The following LARP1B variants were observed in gnomAD, a reference collection of about 807,000 sequenced individuals.
LARP1B encodes la-related protein 1B.
LARP1B carries 76 observed loss-of-function variants against 114.2 expected under a neutral mutation model. That is an observed-to-expected ratio of 0.67 (90% CI 0.55 to 0.81). The LOEUF (loss-of-function observed/expected upper bound fraction) is 0.81. LARP1B is among the 30% of genes least tolerant of loss of function. The pLI is 0.00. For missense variants in LARP1B, 1,014 were observed against 1,075.8 expected (o/e 0.94, Z 0.80); for synonymous variants, 345 against 348.0 (o/e 0.99, Z 0.10).
In LARP1B at chr4:128,187,239, C is replaced by T. The variant is rs546696679; in HGVS notation, c.2003+7727C>T. 3.9e-5 allele frequency among the ~76,000 whole-genome samples: 6 copies of T among 152,332 alleles called. No individual in the cohort carries two copies. In the East Asian group the frequency reaches 1.2e-3, roughly 29 times the overall value. ...ATCCACTAGCAGCCTGCATCCTCAG[C>T]CTCGAAAAGCCACAGGCACTCAGTG... On this transcript the variant is annotated intron_variant, in intron 15 of 19. Coordinates refer to ENST00000326639, the MANE Select transcript of LARP1B (RefSeq NM_018078.4).
At chr4:128,064,968 G>A (rs1406900654) in intron 1 of LARP1B, among the ~76,000 whole-genome samples, 1 of 152,078 alleles carries the variant, frequency 6.6e-6, no homozygotes, top group African/African-American at 2.4e-5. Flanking sequence ...GTCAAGGTAA[G>A]CCTTGGGAAC....
At chr4:128,153,903 GC>G (rs1734127723) in intron 11 of LARP1B, among the ~76,000 whole-genome samples, 1 of 152,098 alleles carries the variant, frequency 6.6e-6, no homozygotes, top group Non-Finnish European at 1.5e-5. Context: ...TTGCTTGGAT[GC>G]CTTAGGAATC....
chr4:128,141,133 C>A (rs534238602), intron 11 of LARP1B, among the ~76,000 whole-genome samples: 1 of 151,976 alleles, frequency 6.6e-6, no homozygotes, highest in African/African-American at 2.4e-5. Flanking sequence ...TGCTTTTTTG[C>A]GTCCAGCTAT....
intron 7 of LARP1B, among the ~76,000 whole-genome samples, chr4:128,094,341 C>A (rs1259656760): frequency 1.3e-5 from 2 of 151,418 alleles, no homozygotes; most frequent in African/African-American, 4.8e-5. Context: ...ACTCAGATGA[C>A]AGCACTCTGA....
At chr4:128,176,350 A>G (rs1164782946) in intron 12 of LARP1B, among the ~76,000 whole-genome samples, 3 of 149,328 alleles carry the variant, frequency 2.0e-5, no homozygotes, top group Non-Finnish European at 3.0e-5. Flanking sequence ...CTGGAGTGCA[A>G]TGGCATGATC....
At chr4:128,062,275 G>T (rs1276233488) in intron 1 of LARP1B, 1 of 985,454 alleles carries the variant, frequency 1.0e-6, no homozygotes, top group African/African-American at 1.7e-5. Context: ...GCGACTTGCG[G>T]GACTTGCCGG....
intron 5 of LARP1B, 146 bp downstream of exon 5, chr4:128,082,451 A>G (rs1561105335): frequency 1.5e-6 from 1 of 648,760 alleles, no homozygotes; most frequent in South Asian, 2.0e-5. Flanking sequence ...GGTATATTTC[A>G]TAAGAACAAT....
At chr4:128,126,836 C>T (rs558023116) in intron 11 of LARP1B, among the ~76,000 whole-genome samples, 2 of 146,472 alleles carry the variant, frequency 1.4e-5, no homozygotes, top group South Asian at 4.3e-4. Flanking sequence ...AAAAGGTAAG[C>T]AAGAAACTTG....
At chr4:128,147,591 G>A (rs1730920805) in intron 11 of LARP1B, among the ~76,000 whole-genome samples, 1 of 152,184 alleles carries the variant, frequency 6.6e-6, no homozygotes, top group African/African-American at 2.4e-5. Context: ...ATGAAATCTG[G>A]ATGTGGTTAT....
intron 5 of LARP1B, among the ~76,000 whole-genome samples, chr4:128,089,303 A>G (rs1298594206): frequency 1.3e-5 from 2 of 152,140 alleles, no homozygotes; most frequent in African/African-American, 2.4e-5. Context: ...CAAAGTAGAT[A>G]TACCTATTTT....
intron 9 of LARP1B, chr4:128,107,983 C>A (rs1580482717): frequency 2.0e-6 from 3 of 1,526,146 alleles, no homozygotes; most frequent in Admixed American, 2.0e-5. Flanking sequence ...TGGAACAAAT[C>A]CTGCTGCAAA....
intron 15 of LARP1B, among the ~76,000 whole-genome samples, chr4:128,186,394 A>G (rs1750372971): frequency 6.6e-6 from 1 of 152,120 alleles, no homozygotes; most frequent in African/African-American, 2.4e-5. Flanking sequence ...CTTTGGTTAC[A>G]CTTATACCTA....
intron 15 of LARP1B, among the ~76,000 whole-genome samples, chr4:128,193,118 G>A (rs2150808870): frequency 6.6e-6 from 1 of 152,220 alleles, no homozygotes; most frequent in Non-Finnish European, 1.5e-5. Flanking sequence ...ACCGTTATGA[G>A]TCACCACACC....
intron 9 of LARP1B, among the ~76,000 whole-genome samples, chr4:128,114,092 C>G (rs1437703494): frequency 6.6e-6 from 1 of 152,224 alleles, no homozygotes; most frequent in East Asian, 1.9e-4. Context: ...CTTGCTGAGC[C>G]AAGGAAATGT....
At chr4:128,205,392 G>A (rs1293133148) in intron 17 of LARP1B, among the ~76,000 whole-genome samples, 1 of 152,138 alleles carries the variant, frequency 6.6e-6, no homozygotes, top group African/African-American at 2.4e-5. Context: ...TCTTTTTGCT[G>A]CCATCTTACA....
chr4:128,077,193 A>G (rs541880033), intron 3 of LARP1B, among the ~76,000 whole-genome samples: 34 of 152,264 alleles, frequency 2.2e-4, no homozygotes, highest in African/African-American at 7.0e-4. Flanking sequence ...TATGTGATCA[A>G]TCTGCCCATT....
chr4:128,107,856 A>AG (rs1467107240), intron 9 of LARP1B: 6 of 1,535,378 alleles, frequency 3.9e-6, no homozygotes, highest in Non-Finnish European at 3.5e-6. Flanking sequence ...CCTCTTGGGA[A>AG]AAAATGTGTG....
intron 12 of LARP1B, among the ~76,000 whole-genome samples, chr4:128,166,714 A>T (rs1027264565): frequency 2.0e-5 from 3 of 151,348 alleles, no homozygotes; most frequent in African/African-American, 7.3e-5. Flanking sequence ...TTTTTTACCT[A>T]CATCTCCCCA....
At chr4:128,065,048 A>G (rs561548783) in intron 1 of LARP1B, among the ~76,000 whole-genome samples, 7 of 152,266 alleles carry the variant, frequency 4.6e-5, no homozygotes, top group Non-Finnish European at 8.8e-5. Context: ...TCCAGTCTTC[A>G]CTGGAGATTA....
Sources: allele counts gnomAD v4.1 joint callset (sites outside exome capture counted in the v4.1 genomes callset), GRCh38; gene constraint gnomAD v4.1.1; transcripts MANE v1.5; gene names NCBI Gene and HGNC (gene_info 2026-07-23, HGNC 2026-07-21).